Variants in CTSE observed in about 807,000 individuals in gnomAD.
CTSE encodes the protein cathepsin E.
CTSE carries 43 observed loss-of-function variants against 42.8 expected under a neutral mutation model. The ratio of observed to expected loss-of-function variants is 1.01; its 90% confidence interval spans 0.79 to 1.30. The LOEUF (loss-of-function observed/expected upper bound fraction) is 1.30, where lower values mean the gene tolerates loss of function less well. Among genes scored for constraint, CTSE ranks in the 50% most tolerant of loss-of-function variants. The pLI is 0.00. For synonymous variants in CTSE, 205 were observed against 191.5 expected (o/e 1.07, Z -0.58); for missense variants, 532 against 493.5 (o/e 1.08, Z -0.74).
At chr1:206,020,058 T>A in intron 4 of CTSE, among the ~76,000 whole-genome samples, 1 of 145,940 alleles carries the variant, frequency 6.9e-6, no homozygotes, top group South Asian at 2.1e-4. Context: ...TTATATGATA[T>A]AATTATGCAA....
At chr1:206,022,855 C>T in intron 2 of CTSE, 46 bp downstream of exon 2, 2 of 1,509,104 alleles carry the variant, frequency 1.3e-6, no homozygotes, top group Non-Finnish European at 1.8e-6. Context: ...GCTGGGCCTT[C>T]CTCCCGCTCC....
chr1:206,016,016 C>A lies in CTSE; in HGVS notation c.577G>T (p.Ala193Ser), dbSNP rs1553277664. The change falls in exon 5 of 9, where the codon GCT (alanine) becomes TCT (serine). Residue 193 changes from alanine to serine, a missense_variant. Ala to Ser is a moderately conservative substitution (Grantham distance 99). Transcript: ENST00000358184. ...GILGLGYPSL[A>S]VGGVTPVFDN... ...AATACTGGAGTCACTCCTCCCACAG[C>A]CAAGGAGGGGTATCCCAGGCCCAGA... The A allele has an allele frequency of 2.5e-6, 4 of 1,613,856 alleles. No individual in the cohort carries two copies. The South Asian group carries it at 4.4e-5, about 18-fold the overall frequency.
At chr1:206,019,218 G>C (rs1372750730) in intron 4 of CTSE, among the ~76,000 whole-genome samples, 1 of 152,060 alleles carries the variant, frequency 6.6e-6, no homozygotes, top group Non-Finnish European at 1.5e-5. Context: ...GTGGGTGCTA[G>C]TTAAACAGTG....
Position 206,018,326 on chromosome 1 carries a change from C to A in CTSE, c.463-2196G>T, listed in dbSNP as rs567262975. On this transcript the variant is annotated intron_variant, in intron 4 of 8. Coordinates refer to ENST00000358184, the MANE Select transcript of CTSE (RefSeq NM_001910.4). ...CAAAAGATTTTATTTGCTAGTATTTCATTTAGAACTTTTGCATCTATATTC... is the reference window on the plus strand; with the variant it reads ...CAAAAGATTTTATTTGCTAGTATTTAATTTAGAACTTTTGCATCTATATTC... Among the ~76,000 whole-genome samples, 129 of 151,918 alleles carry A rather than the reference C, an allele frequency of 8.5e-4. 1 individual carries two copies. Among genetic ancestry groups the A allele is most frequent in the Non-Finnish European group, 1.4e-3 (96 of 67,948 alleles).
intron 4 of CTSE, among the ~76,000 whole-genome samples, chr1:206,018,300 C>A (rs553210646): frequency 6.6e-6 from 1 of 151,988 alleles, no homozygotes; most frequent in Admixed American, 6.5e-5. Flanking sequence ...TTTTTATATA[C>A]CAAAAGATTT....
In CTSE at chr1:206,021,101, A is replaced by G; in HGVS notation, c.410T>C (p.Ile137Thr). Residue 137 changes from isoleucine (I) to threonine (T), a missense_variant, in exon 4 of 9, where the codon ATT (isoleucine) becomes ACT (threonine). Coordinates refer to ENST00000358184, the MANE Select transcript of CTSE (RefSeq NM_001910.4). ...GGACAAGCTCCCGGTTCCATACTGA[A>G]TGGAGAAAGATTGACCTGGCTGGCT... ...TYSQPGQSFS[I>T]QYGTGSLSGI... The G allele has an allele frequency of 6.2e-7, 1 of 1,613,794 alleles. No individual in the cohort carries two copies. The highest frequency in any genetic ancestry group is 8.5e-7 in the Non-Finnish European group (1 of 1,179,736).
intron 2 of CTSE, 64 bp downstream of exon 2, chr1:206,022,837 G>A: frequency 2.1e-6 from 3 of 1,439,596 alleles, no homozygotes; most frequent in Non-Finnish European, 9.4e-7. Context: ...CACTGGCCAT[G>A]CCCTAATGCT....
rs1361509175 is a variant in CTSE, at chr1:206,012,663, G to A, written c.786-14C>T. The A allele has an allele frequency of 6.2e-7, 1 of 1,609,276 alleles. No homozygotes were observed. Among genetic ancestry groups the A allele is most frequent in the East Asian group, 2.2e-5 (1 of 44,766 alleles). On this transcript the variant is annotated splice_polypyrimidine_tract_variant and intron_variant, in intron 6 of 8. Coordinates refer to ENST00000358184, the MANE Select transcript of CTSE (RefSeq NM_001910.4). ...CCCACCTGGATGCTGAGGGGACAGGGTTGTGGTCGGCCCACCTTCCCTCCC... is the reference window on the plus strand; with the variant it reads ...CCCACCTGGATGCTGAGGGGACAGGATTGTGGTCGGCCCACCTTCCCTCCC...
In CTSE at chr1:206,016,004, C is replaced by T. The variant is rs782461719; in HGVS notation, c.589G>A (p.Val197Met). 1.9e-6 allele frequency: 3 copies of T among 1,613,926 alleles called. No individual in the cohort carries two copies. The highest frequency in any genetic ancestry group is 4.5e-5 in the East Asian group (2 of 44,890). ...ATCATGTTGTCAAATACTGGAGTCA[C>T]TCCTCCCACAGCCAAGGAGGGGTAT... ...LGYPSLAVGG[V>M]TPVFDNMMAQ... Residue 197 changes from valine to methionine, a missense_variant, in exon 5 of 9, where the codon GTG becomes ATG. Physicochemically the swap from Val to Met is conservative, Grantham distance 21 (BLOSUM62 1). Coordinates refer to ENST00000358184, the MANE Select transcript of CTSE (RefSeq NM_001910.4).
intron 4 of CTSE, among the ~76,000 whole-genome samples, chr1:206,020,336 A>C (rs1661381833): frequency 6.6e-6 from 1 of 151,552 alleles, no homozygotes; most frequent in South Asian, 2.1e-4. Context: ...TACTCCACCC[A>C]CTCTAAGGGA....
intron 8 of CTSE, 38 bp downstream of exon 8, chr1:206,012,270 G>A (rs1661122613): frequency 6.5e-7 from 1 of 1,531,386 alleles, no homozygotes; most frequent in African/African-American, 1.4e-5. Context: ...CATGTGGGGA[G>A]GGCCCTGTGG....
chr1:206,015,942 GA>G lies in CTSE; in HGVS notation c.650del (p.Val217AlafsTer3). 1 of 1,613,786 alleles carries G rather than the reference GA, an allele frequency of 6.2e-7. No individual in the cohort carries two copies. The highest frequency in any genetic ancestry group is 2.2e-5 in the East Asian group (1 of 44,882). On this transcript the variant is annotated frameshift_variant, in exon 5 of 9. Coordinates refer to ENST00000358184, the MANE Select transcript of CTSE (RefSeq NM_001910.4). LOFTEE classifies it high-confidence loss of function. The part of the protein sequence containing the change: ...QNLVDLPMFS[V>X]YMSSNPEGGA... ...TTGATGGGCCTTACCTGCTCATGTA[GA>G]CAGAAAACATCGGCAAGTCCACCAG... is the stretch of plus-strand genomic sequence containing the variant.
rs375185846 is a variant in CTSE, at chr1:206,022,208, G to A, written c.285C>T (p.Phe95=). The A allele has an allele frequency of 2.4e-5, 39 of 1,613,088 alleles. No homozygotes were observed. The African/African-American group carries it at 2.7e-4, about 11-fold the overall frequency. Residue 95 remains phenylalanine, a synonymous_variant, in exon 3 of 9, where the codon TTC becomes TTT. Coordinates refer to ENST00000358184, the MANE Select transcript of CTSE (RefSeq NM_001910.4). ...CCCAGAGGTTGGAGGAGCCAGTGTC[G>A]AAGATGACAGTGAAGTTCTGTGGTG... ...GSPPQNFTVI[F]DTGSSNLWVP...
rs112948318 is a variant in CTSE, at chr1:206,021,962, T to C, written c.343+188A>G. On this transcript the variant is annotated intron_variant, in intron 3 of 8. Transcript: ENST00000358184. The stretch of plus-strand genomic sequence containing the variant: ...TCTTGGACAGCAGCCACATTTTAGT[T>C]CTTCCTTGGCTTTGCTCTATCTCTG... 8.5e-3 allele frequency among the ~76,000 whole-genome samples: 1,292 copies of C among 152,212 alleles called. 22 individuals are homozygous for C. Among genetic ancestry groups the C allele is most frequent in the African/African-American group, 0.03 (1,238 of 41,556 alleles).
At chr1:206,016,611 G>A (rs1187492115) in intron 4 of CTSE, among the ~76,000 whole-genome samples, 1 of 152,008 alleles carries the variant, frequency 6.6e-6, no homozygotes, top group Non-Finnish European at 1.5e-5. Context: ...TATGAAATGT[G>A]ATAATGTGTA....
chr1:206,015,282 TA>T (rs1553277589), intron 5 of CTSE, among the ~76,000 whole-genome samples: 2 of 152,208 alleles, frequency 1.3e-5, no homozygotes, highest in Non-Finnish European at 2.9e-5. Context: ...AACAACGGTT[TA>T]AGAATTCCTC....
chr1:206,023,820 G>T lies in CTSE; in HGVS notation c.-29C>A. 1 of 1,609,942 alleles carries T rather than the reference G, an allele frequency of 6.2e-7. No homozygotes were observed. Among genetic ancestry groups the T allele is most frequent in the Non-Finnish European group, 8.5e-7 (1 of 1,176,576 alleles). ...GAGTCCGACCAGCAGCTTCTCCCTT[G>T]CCCCCTCCTTTCTTCTCTCCCCGAG... On this transcript the variant is annotated 5_prime_UTR_variant, in exon 1 of 9. Transcript: ENST00000358184.
chr1:206,012,617 G>A lies in CTSE; in HGVS notation c.818C>T (p.Ser273Phe). The A allele has an allele frequency of 2.5e-6, 4 of 1,614,012 alleles. No homozygotes were observed. The highest frequency in any genetic ancestry group is 3.4e-6 in the Non-Finnish European group (4 of 1,179,936). ...IQVGGTVMFCSEGCQAIVDTG... is the reference protein window; with the variant it reads ...IQVGGTVMFCFEGCQAIVDTG... The stretch of plus-strand genomic sequence containing the variant: ...GTCCACAATGGCCTGGCAGCCCTCG[G>A]AGCAGAACATAACAGTGCCTCCCAC... Residue 273 changes from serine to phenylalanine, a missense_variant, in exon 7 of 9, where the codon TCC becomes TTC. Physicochemically the swap from Ser to Phe is radical, Grantham distance 155 (BLOSUM62 -2). Transcript: ENST00000358184.
rs1661407291 is a variant in CTSE, at chr1:206,021,157, G to A, written c.354C>T (p.Ser118=). 1 of 1,612,014 alleles carries A rather than the reference G, an allele frequency of 6.2e-7. No individual in the cohort carries two copies. Among genetic ancestry groups the A allele is most frequent in the Non-Finnish European group, 8.5e-7 (1 of 1,178,120 alleles). ...YCTSPACKTH[S]RFQPSQSSTY... ...TGCTGGACTGGGAAGGCTGGAACCT[G>A]CTGTGCGTCTCTGGAAAGAAGTGCA... The change falls in exon 4 of 9, where the codon AGC becomes AGT. Residue 118 remains serine, a synonymous_variant. Transcript: ENST00000358184.
Sources: gnomAD v4.1 joint callset for allele counts (sites outside exome capture counted in the v4.1 genomes callset) on GRCh38, gnomAD v4.1.1 for gene constraint, MANE v1.5 for transcripts, NCBI Gene and HGNC (gene_info 2026-07-23, HGNC 2026-07-21) for gene names.